Variants in MEI4 observed in about 807,000 individuals in gnomAD.
MEI4 encodes the protein meiotic double-stranded break formation protein 4, also known as meiosis-specific protein MEI4.
MEI4 carries 27 observed loss-of-function variants against 31.4 expected under a neutral mutation model. The observed-to-expected ratio is 0.86, with a 90% CI of 0.63 to 1.19. The LOEUF (loss-of-function observed/expected upper bound fraction) is 1.19. MEI4 is among the 50% of genes most tolerant of loss of function. The probability of loss-of-function intolerance (pLI) is 0.00; values close to 1 mark genes in which losing one functional copy is unlikely to be tolerated. For synonymous variants in MEI4, 122 were observed against 145.4 expected, an observed-to-expected ratio of 0.84 and a Z score of 1.16; for missense variants, 329 against 398.9, an observed-to-expected ratio of 0.82 and a Z score of 1.49.
chr6:77,866,726 A>G (rs551094597), intron 4 of MEI4, among the ~76,000 whole-genome samples: 1 of 150,394 alleles, frequency 6.6e-6, no homozygotes, highest in East Asian at 2.0e-4. Flanking sequence ...GAAAAAACTA[A>G]AGTTCATATG....
At chr6:77,739,391 C>T (rs972368655) in intron 2 of MEI4, among the ~76,000 whole-genome samples, 2 of 152,116 alleles carry the variant, frequency 1.3e-5, no homozygotes, top group African/African-American at 2.4e-5. Flanking sequence ...TACTATGCAG[C>T]CATAGAATAG....
chr6:77,711,489 CT>C (rs1229382804), intron 2 of MEI4, among the ~76,000 whole-genome samples: 1 of 151,972 alleles, frequency 6.6e-6, no homozygotes, highest in East Asian at 1.9e-4. Flanking sequence ...TGACATGGAC[CT>C]TTTTGGGGAT....
chr6:77,663,410 G>A lies in MEI4; in HGVS notation c.-15+10318G>A, dbSNP rs1436586351. ...CCTATACTTGTGGGTTAAGGTGGGG[G>A]GATACAAGAGGAGAATGCAAAGGAG... On this transcript the variant is annotated intron_variant, in intron 1 of 4. Transcript: ENST00000684080. Among the ~76,000 whole-genome samples the A allele has an allele frequency of 2.6e-5, 4 of 151,870 alleles. No homozygotes were observed. The South Asian group carries it at 6.3e-4, about 24-fold the overall frequency.
rs147633111 is a variant in MEI4, at chr6:77,838,312, A to G, written c.900+9250A>G. Among the ~76,000 whole-genome samples, 792 of 152,204 alleles carry G rather than the reference A, an allele frequency of 5.2e-3. 2 individuals are homozygous for G. The highest frequency in any genetic ancestry group is 0.017 in the Middle Eastern group (5 of 294). On this transcript the variant is annotated intron_variant, in intron 4 of 4. Transcript: ENST00000684080. The stretch of plus-strand genomic sequence containing the variant: ...ATCATCCTCTCAACATAAATATTGG[A>G]CAAATATTTAAGAAATATTTTGGAG...
At chr6:77,746,710 A>G (rs369802644) in intron 2 of MEI4, among the ~76,000 whole-genome samples, 2 of 151,178 alleles carry the variant, frequency 1.3e-5, no homozygotes, top group South Asian at 2.1e-4. Flanking sequence ...TCTCTGAAAA[A>G]CCCTAATAAA....
chr6:77,680,920 G>T (rs1378730604), intron 1 of MEI4, among the ~76,000 whole-genome samples: 1 of 151,990 alleles, frequency 6.6e-6, no homozygotes, highest in Non-Finnish European at 1.5e-5. Flanking sequence ...CTGTCTGTGG[G>T]ACTGCACTTT....
At chr6:77,799,755 T>C (rs1237375806) in intron 3 of MEI4, among the ~76,000 whole-genome samples, 1 of 152,154 alleles carries the variant, frequency 6.6e-6, no homozygotes, top group Non-Finnish European at 1.5e-5. Context: ...TAGGGAATCC[T>C]TTCCCCATTG....
intron 4 of MEI4, among the ~76,000 whole-genome samples, chr6:77,832,565 G>A (rs1218049586): frequency 6.6e-6 from 1 of 151,884 alleles, no homozygotes; most frequent in Non-Finnish European, 1.5e-5. Context: ...GAAATAAATA[G>A]CGATTAATTT....
At chr6:77,913,865 C>G (rs1766484369) in intron 4 of MEI4, among the ~76,000 whole-genome samples, 1 of 151,402 alleles carries the variant, frequency 6.6e-6, no homozygotes, top group Non-Finnish European at 1.5e-5. Flanking sequence ...AACCCCGTCT[C>G]TACTAAAAAT....
At chr6:77,832,972 T>C (rs1423446034) in intron 4 of MEI4, among the ~76,000 whole-genome samples, 2 of 152,154 alleles carry the variant, frequency 1.3e-5, no homozygotes. Flanking sequence ...TGAACTCTTA[T>C]CCTAGTATCC....
intron 3 of MEI4, among the ~76,000 whole-genome samples, chr6:77,808,033 C>A (rs989169316): frequency 6.6e-6 from 1 of 152,252 alleles, no homozygotes; most frequent in Non-Finnish European, 1.5e-5. Context: ...AGCAGTGCAG[C>A]GGACACCTTA....
rs1485438398 is a variant in MEI4, at chr6:77,923,812, G to C, written c.*466G>C. The C allele has an allele frequency of 6.6e-6, 1 of 151,720 alleles. No homozygotes were observed. The highest frequency in any genetic ancestry group is 6.6e-5 in the Admixed American group (1 of 15,136). 9.4% of individuals were successfully genotyped at this position (151,720 alleles called of 1,614,324 possible). ...TTTTAAAACTTTTTCTTACATAGTT[G>C]AACTTATATCATTGCTTTCACCTTA... On this transcript the variant is annotated 3_prime_UTR_variant, in exon 5 of 5. Transcript: ENST00000684080.
At chr6:77,784,312 G>C (rs1768674170) in intron 3 of MEI4, among the ~76,000 whole-genome samples, 1 of 152,098 alleles carries the variant, frequency 6.6e-6, no homozygotes, top group Non-Finnish European at 1.5e-5. Flanking sequence ...ATGCTGTAGT[G>C]ATCACCGGTC....
chr6:77,794,043 C>A (rs911319463), intron 3 of MEI4, among the ~76,000 whole-genome samples: 1 of 152,092 alleles, frequency 6.6e-6, no homozygotes, highest in Non-Finnish European at 1.5e-5. Context: ...TACCACATGG[C>A]TGCCTACAAG....
intron 2 of MEI4, among the ~76,000 whole-genome samples, chr6:77,735,883 G>A (rs925334041): frequency 6.6e-6 from 1 of 151,942 alleles, no homozygotes; most frequent in Non-Finnish European, 1.5e-5. Flanking sequence ...GTCTGTTGGA[G>A]TACCCGGCCG....
intron 4 of MEI4, among the ~76,000 whole-genome samples, chr6:77,840,631 A>T (rs959164212): frequency 1.3e-5 from 2 of 151,986 alleles, no homozygotes; most frequent in African/African-American, 4.8e-5. Flanking sequence ...TTTAAATTGC[A>T]TTTTATTTTA....
intron 3 of MEI4, among the ~76,000 whole-genome samples, chr6:77,812,784 T>C (rs927226433): frequency 2.6e-5 from 4 of 152,152 alleles, no homozygotes; most frequent in African/African-American, 9.7e-5. Context: ...TGTGGGCTGT[T>C]GATTCTGAGC....
chr6:77,803,001 G>T (rs189271082), intron 3 of MEI4, among the ~76,000 whole-genome samples: 1 of 152,070 alleles, frequency 6.6e-6, no homozygotes, highest in Non-Finnish European at 1.5e-5. Flanking sequence ...TGTATTTCCT[G>T]AATTTGAATG....
intron 3 of MEI4, among the ~76,000 whole-genome samples, chr6:77,792,313 C>A (rs1768958262): frequency 6.6e-6 from 1 of 152,018 alleles, no homozygotes; most frequent in African/African-American, 2.4e-5. Flanking sequence ...GATATATTCC[C>A]AGGTGTGGGA....
Sources: gnomAD v4.1 joint callset for allele counts (sites outside exome capture counted in the v4.1 genomes callset) on GRCh38, gnomAD v4.1.1 for gene constraint, MANE v1.5 for transcripts, NCBI Gene and HGNC (gene_info 2026-07-23, HGNC 2026-07-21) for gene names.